Variants in ERC2 observed in about 807,000 individuals in gnomAD.
The protein encoded by ERC2 is ERC protein 2.
A neutral mutation model predicts 114.8 loss-of-function variants in ERC2; 42 were observed. The ratio of observed to expected loss-of-function variants is 0.37; its 90% CI spans 0.29 to 0.47. The LOEUF (loss-of-function observed/expected upper bound fraction) is 0.47. Ranked by LOEUF, ERC2 falls within the 20% of genes least tolerant of loss-of-function variation. ERC2 has a pLI of 0.99. For missense variants in ERC2, 939 were observed against 1,150.7 expected, an observed-to-expected ratio of 0.82 and a Z score of 2.66; for synonymous variants, 454 against 425.5, an observed-to-expected ratio of 1.07 and a Z score of -0.82.
chr3:56,330,373 C>T lies in ERC2; in HGVS notation c.658-33938G>A, dbSNP rs573460120. On this transcript the variant is annotated intron_variant, in intron 2 of 17. Coordinates refer to ENST00000288221, the MANE Select transcript of ERC2 (RefSeq NM_015576.3). ...TTAATATTTTCTCATTTCATGCCAA[C>T]GTGTGGGAAAAGCAGAGAAGACAGT... Among the ~76,000 whole-genome samples the T allele has an allele frequency of 6.6e-5, 10 of 152,176 alleles. 1 individual carries two copies. In the South Asian group the frequency reaches 8.3e-4, roughly 13 times the overall value.
intron 2 of ERC2, among the ~76,000 whole-genome samples, chr3:56,375,803 G>A (rs894215926): frequency 3.3e-5 from 5 of 152,144 alleles, no homozygotes. Flanking sequence ...CAGAAAGTAG[G>A]AAGTTATTAA....
At chr3:55,580,308 G>C (rs754369418) in intron 17 of ERC2, among the ~76,000 whole-genome samples, 3 of 151,692 alleles carry the variant, frequency 2.0e-5, no homozygotes, top group Non-Finnish European at 4.4e-5. Flanking sequence ...TGCCAGAGGC[G>C]AAAGAATAAA....
chr3:55,662,249 C>T (rs543999068), intron 17 of ERC2, among the ~76,000 whole-genome samples: 26 of 152,358 alleles, frequency 1.7e-4, no homozygotes, highest in African/African-American at 5.1e-4. Flanking sequence ...CTTGCACATA[C>T]GCCCAAAGGC....
intron 12 of ERC2, among the ~76,000 whole-genome samples, chr3:55,970,618 G>A (rs1038765094): frequency 7.2e-5 from 11 of 152,114 alleles, no homozygotes; most frequent in African/African-American, 2.4e-4. Flanking sequence ...TTAGAAAAAT[G>A]TAAATCAAAA....
chr3:56,416,638 T>G (rs537557559), intron 2 of ERC2, among the ~76,000 whole-genome samples: 58 of 148,618 alleles, frequency 3.9e-4, no homozygotes, highest in African/African-American at 1.4e-3. Flanking sequence ...AAATGACGCT[T>G]TGCCAACAAC....
intron 16 of ERC2, among the ~76,000 whole-genome samples, chr3:55,695,582 T>G (rs2062884218): frequency 6.6e-6 from 1 of 152,202 alleles, no homozygotes; most frequent in Non-Finnish European, 1.5e-5. Context: ...ACTCCCTTAG[T>G]TTAGATCTAC....
At position 55,758,528 on chromosome 3, in the gene ERC2, G is replaced by A. The variant is rs571461448; in HGVS notation, c.2565-23610C>T. 2.3e-3 allele frequency among the ~76,000 whole-genome samples: 348 copies of A among 152,292 alleles called. 5 individuals carry two copies. Among genetic ancestry groups the A allele is most frequent in the South Asian group, 0.022 (105 of 4,820 alleles). On this transcript the variant is annotated intron_variant, in intron 14 of 17. Coordinates refer to ENST00000288221, the MANE Select transcript of ERC2 (RefSeq NM_015576.3). Reference sequence around the variant, plus strand: ...CTGCCATCCTGCAGAGCCTCCCAGTGGCCCTATCTTTGGCAGTGTTCTAAC... The same window carrying A: ...CTGCCATCCTGCAGAGCCTCCCAGTAGCCCTATCTTTGGCAGTGTTCTAAC...
intron 4 of ERC2, among the ~76,000 whole-genome samples, chr3:56,170,210 C>T (rs1013781826): frequency 6.6e-6 from 1 of 152,214 alleles, no homozygotes; most frequent in Non-Finnish European, 1.5e-5. Flanking sequence ...ATTCACTTTG[C>T]TTCCTTTCAT....
At chr3:56,106,968 T>G (rs530920448) in intron 6 of ERC2, among the ~76,000 whole-genome samples, 3 of 152,210 alleles carry the variant, frequency 2.0e-5, no homozygotes, top group Non-Finnish European at 4.4e-5. Flanking sequence ...GATCAGGTGT[T>G]AGGCCCAGCC....
intron 17 of ERC2, among the ~76,000 whole-genome samples, chr3:55,655,851 G>A (rs573434799): frequency 1.1e-3 from 160 of 152,314 alleles, no homozygotes; most frequent in African/African-American, 3.7e-3. Flanking sequence ...GTGCAACCAC[G>A]TCAGGTGCCC....
rs549589461 is a variant in ERC2, at chr3:55,857,080, A to G, written c.2564+31309T>C. On this transcript the variant is annotated intron_variant, in intron 14 of 17. Transcript: ENST00000288221. ...TTTTGGGGGTGGGGGTGGTTCTAGAATTAGATAGTGGTGATGGGTTGTACT... is the reference window on the plus strand; with the variant it reads ...TTTTGGGGGTGGGGGTGGTTCTAGAGTTAGATAGTGGTGATGGGTTGTACT... 3.5e-4 allele frequency among the ~76,000 whole-genome samples: 53 copies of G among 152,268 alleles called. No homozygotes were observed. In the South Asian group the frequency reaches 0.011, roughly 32 times the overall value.
At chr3:55,632,681 C>T (rs1001483592) in intron 17 of ERC2, among the ~76,000 whole-genome samples, 2 of 152,168 alleles carry the variant, frequency 1.3e-5, no homozygotes, top group East Asian at 3.9e-4. Context: ...AGATGTAACT[C>T]ACCTAAACCA....
chr3:55,839,129 CAGA>C (rs1159768964), intron 14 of ERC2, among the ~76,000 whole-genome samples: 1 of 151,680 alleles, frequency 6.6e-6, no homozygotes, highest in South Asian at 2.1e-4. Context: ...ATAAGGATAA[CAGA>C]AGATTTCCCA....
chr3:55,867,369 G>C (rs1362877385), intron 14 of ERC2, among the ~76,000 whole-genome samples: 1 of 152,098 alleles, frequency 6.6e-6, no homozygotes. Flanking sequence ...AGTGTTTTAG[G>C]GTTTAACTCA....
chr3:56,014,330 C>CT (rs2149580312), intron 8 of ERC2, among the ~76,000 whole-genome samples: 2 of 152,300 alleles, frequency 1.3e-5, no homozygotes, highest in Non-Finnish European at 2.9e-5. Flanking sequence ...TTCTAGTCGT[C>CT]TAAGTTCTCA....
intron 6 of ERC2, among the ~76,000 whole-genome samples, chr3:56,126,812 A>G (rs150372061): frequency 4.4e-4 from 60 of 135,508 alleles, no homozygotes; most frequent in African/African-American, 1.4e-3. Context: ...AAAGGGAAGG[A>G]AAGGAAAGGA....
intron 7 of ERC2, among the ~76,000 whole-genome samples, chr3:56,073,710 A>G (rs930363751): frequency 3.9e-5 from 6 of 152,172 alleles, no homozygotes; most frequent in Non-Finnish European, 4.4e-5. Flanking sequence ...CCAACTCAAG[A>G]GTTCACCTTC....
chr3:56,310,362 C>CT (rs1425653701), intron 2 of ERC2, among the ~76,000 whole-genome samples: 3 of 152,202 alleles, frequency 2.0e-5, no homozygotes, highest in African/African-American at 2.4e-5. Context: ...CATTTAACTG[C>CT]TTAGCAAATG....
At chr3:56,460,546 T>C (rs1386931287) in intron 1 of ERC2, among the ~76,000 whole-genome samples, 1 of 152,180 alleles carries the variant, frequency 6.6e-6, no homozygotes, top group Non-Finnish European at 1.5e-5. Context: ...TAATATGAAA[T>C]GAGCAATATA....
Sources: allele counts gnomAD v4.1 joint callset (sites outside exome capture counted in the v4.1 genomes callset), GRCh38; gene constraint gnomAD v4.1.1; transcripts MANE v1.5; gene names NCBI Gene and HGNC (gene_info 2026-07-23, HGNC 2026-07-21).